RUNX1: variants seen among roughly 807,000 people sequenced by gnomAD.
The protein encoded by RUNX1 is RUNX family transcription factor 1.
Under a neutral mutation model 42.8 loss-of-function variants are expected in RUNX1, and 19 were observed. The ratio of observed to expected loss-of-function variants is 0.44; its 90% CI spans 0.31 to 0.65. The LOEUF is 0.65. RUNX1 is among the 30% of genes least tolerant of loss of function. RUNX1 has a pLI of 0.07. For synonymous variants in RUNX1, 271 were observed against 289.4 expected, an observed-to-expected ratio of 0.94 and a Z score of 0.64; for missense variants, 528 against 672.0, an observed-to-expected ratio of 0.79 and a Z score of 2.37.
At chr21:34,957,976 C>T (rs1473549374) in intron 2 of RUNX1, among the ~76,000 whole-genome samples, 1 of 152,170 alleles carries the variant, frequency 6.6e-6, no homozygotes, top group East Asian at 1.9e-4. Flanking sequence ...TTTGTTTGTA[C>T]AAGTCTCCCA....
In RUNX1 at chr21:34,789,660, C is replaced by T. The variant is rs1418986060; in HGVS notation, c.*2475G>A. ...GTGAGACCTATCGCCAAAACAACTA[C>T]AGTTTGATTTTTTTTGAAACAATTA... On this transcript the variant is annotated 3_prime_UTR_variant, in exon 9 of 9. Coordinates refer to ENST00000675419, the MANE Select transcript of RUNX1 (RefSeq NM_001754.5). The T allele has an allele frequency of 8.6e-6, 2 of 233,164 alleles. No homozygotes were observed. The highest frequency in any genetic ancestry group is 5.6e-5 in the Admixed American group (1 of 17,770). 14.4% of individuals were successfully genotyped at this position (233,164 alleles called of 1,614,324 possible). A position where few individuals can be genotyped will look rare whatever the true frequency, so the allele number is the denominator to read the frequency against.
chr21:34,895,556 G>A (rs1432765540), intron 2 of RUNX1, among the ~76,000 whole-genome samples: 1 of 152,176 alleles, frequency 6.6e-6, no homozygotes, highest in Non-Finnish European at 1.5e-5. Flanking sequence ...AGATTTTTAG[G>A]TGGTTCAAAG....
chr21:35,026,497 A>C (rs1380205885), intron 2 of RUNX1, among the ~76,000 whole-genome samples: 1 of 152,228 alleles, frequency 6.6e-6, no homozygotes, highest in Non-Finnish European at 1.5e-5. Context: ...ATGAGGATGT[A>C]GTCTTTCTGT....
chr21:34,792,118 G>GGGCCA lies in RUNX1; in HGVS notation c.*12_*16dup. ...AGGCGGCGGCCCGCGGGGCCCAGCC[G>GGGCCA]GGCCAGGCCTGGCGCCTCAGTAGGG... is the stretch of plus-strand genomic sequence containing the variant. On this transcript the variant is annotated 3_prime_UTR_variant, in exon 9 of 9. Transcript: ENST00000675419. This position sits in a 1 kb window ranked among gnomAD's most constrained non-coding sequence, Gnocchi z 6.9. 1 of 1,370,164 alleles carries GGGCCA rather than the reference G, an allele frequency of 7.3e-7. No homozygotes were observed. Among genetic ancestry groups the GGGCCA allele is most frequent in the Admixed American group, 3.7e-5 (1 of 26,938 alleles). 84.9% of individuals were successfully genotyped at this position (1,370,164 alleles called of 1,614,324 possible).
At chr21:34,835,326 T>C (rs1429072450) in intron 6 of RUNX1, among the ~76,000 whole-genome samples, 2 of 152,278 alleles carry the variant, frequency 1.3e-5, no homozygotes, top group East Asian at 1.9e-4. Context: ...CCCAGCAGAA[T>C]AGGCCCACTG....
At chr21:34,941,901 T>C (rs1256426660) in intron 2 of RUNX1, among the ~76,000 whole-genome samples, 1 of 151,964 alleles carries the variant, frequency 6.6e-6, no homozygotes, top group Non-Finnish European at 1.5e-5. Flanking sequence ...GCTTGTAAGC[T>C]TACTTCATCT....
intron 6 of RUNX1, among the ~76,000 whole-genome samples, chr21:34,836,087 T>C (rs560045385): frequency 1.1e-4 from 17 of 152,364 alleles, no homozygotes; most frequent in Admixed American, 5.2e-4. Context: ...GAGACCTGTT[T>C]GGCTCCAAAA....
chr21:34,889,719 C>T (rs1331385566), intron 3 of RUNX1: 8 of 1,187,032 alleles, frequency 6.7e-6, no homozygotes, highest in South Asian at 5.4e-5. Context: ...TGCGCCGGTC[C>T]CCGCGGTGCT....
At chr21:34,889,290 C>T (rs970181935) in intron 3 of RUNX1, among the ~76,000 whole-genome samples, 9 of 152,110 alleles carry the variant, frequency 5.9e-5, no homozygotes, top group African/African-American at 2.2e-4. Flanking sequence ...CTGGCAGCTG[C>T]GGCGAAGCGG....
chr21:34,944,230 G>A (rs1211076449), intron 2 of RUNX1, among the ~76,000 whole-genome samples: 3 of 152,188 alleles, frequency 2.0e-5, no homozygotes, highest in Non-Finnish European at 2.9e-5. Flanking sequence ...GGCTTGTCTC[G>A]AACTCCTGGA....
intron 2 of RUNX1, among the ~76,000 whole-genome samples, chr21:35,022,238 T>C (rs978876393): frequency 2.0e-5 from 3 of 151,914 alleles, no homozygotes; most frequent in African/African-American, 7.3e-5. Flanking sequence ...CGAAAGAGGG[T>C]GGAAGCGTCT....
chr21:34,884,323 T>C (rs2057948822), intron 4 of RUNX1, among the ~76,000 whole-genome samples: 1 of 152,190 alleles, frequency 6.6e-6, no homozygotes, highest in Non-Finnish European at 1.5e-5. Context: ...GTTCAGAAGA[T>C]TGACGTAGAG....
At chr21:35,004,274 T>C (rs1481144402) in intron 2 of RUNX1, among the ~76,000 whole-genome samples, 1 of 152,218 alleles carries the variant, frequency 6.6e-6, no homozygotes, top group Admixed American at 6.5e-5. Context: ...GATGACAAAG[T>C]GCCTGTGGTT....
intron 2 of RUNX1, among the ~76,000 whole-genome samples, chr21:34,998,246 G>C (rs933283270): frequency 6.6e-6 from 1 of 152,108 alleles, no homozygotes; most frequent in South Asian, 2.1e-4. Flanking sequence ...GAAAAGCAGG[G>C]GGCTTAGGAA....
intron 2 of RUNX1, among the ~76,000 whole-genome samples, chr21:34,974,988 T>C (rs985749621): frequency 1.3e-5 from 2 of 152,064 alleles, no homozygotes; most frequent in African/African-American, 4.8e-5. Flanking sequence ...CTCAGAGTGA[T>C]TGGATAAATT....
intron 2 of RUNX1, among the ~76,000 whole-genome samples, chr21:34,979,003 A>G (rs1466089673): frequency 2.1e-5 from 3 of 144,432 alleles, no homozygotes; most frequent in Non-Finnish European, 1.5e-5. Flanking sequence ...ATCCTGGGCC[A>G]GGTAGGTTCT....
rs904173800 is a variant in RUNX1 at position 34,788,304 on chromosome 21, T to A, written c.*3831A>T. The A allele has an allele frequency of 3.0e-5, 7 of 233,514 alleles. No individual in the cohort carries two copies. Among genetic ancestry groups the A allele is most frequent in the Non-Finnish European group, 5.1e-5 (6 of 118,016 alleles). The allele number at this position is 233,514 out of a possible 1,614,324, so 14.5% of individuals were successfully genotyped here. On this transcript the variant is annotated 3_prime_UTR_variant, in exon 9 of 9. Coordinates refer to ENST00000675419, the MANE Select transcript of RUNX1 (RefSeq NM_001754.5). ...CCGTCATTTCAATTTGAAAGTTTAT[T>A]TTTTTCCATTGATTTTTATACATCC...
At chr21:34,957,546 A>G (rs1040157648) in intron 2 of RUNX1, among the ~76,000 whole-genome samples, 6 of 152,124 alleles carry the variant, frequency 3.9e-5, no homozygotes, top group Non-Finnish European at 7.4e-5. Context: ...CCATGAAAAA[A>G]ATGTCCCACT....
At chr21:34,883,888 T>C (rs1294802250) in intron 4 of RUNX1, among the ~76,000 whole-genome samples, 6 of 152,222 alleles carry the variant, frequency 3.9e-5, no homozygotes, top group Non-Finnish European at 1.5e-5. Flanking sequence ...AGAATTCAGC[T>C]GAGATGATAT....
Sources: gnomAD v4.1 joint callset for allele counts (sites outside exome capture counted in the v4.1 genomes callset) on GRCh38, gnomAD v4.1.1 for gene constraint, Gnocchi (gnomAD v3.1) non-coding constraint, MANE v1.5 for transcripts, NCBI Gene and HGNC (gene_info 2026-07-23, HGNC 2026-07-21) for gene names.